The following SRGAP1 variants were observed in gnomAD, a reference collection of about 807,000 sequenced individuals.
SRGAP1 encodes SLIT-ROBO Rho GTPase-activating protein 1.
A neutral mutation model predicts 121.9 loss-of-function variants in SRGAP1; 43 were observed. The ratio of observed to expected loss-of-function variants is 0.35; its 90% CI spans 0.28 to 0.46. The LOEUF (loss-of-function observed/expected upper bound fraction) is 0.46. Ranked by LOEUF, SRGAP1 falls within the 20% of genes least tolerant of loss-of-function variation. The pLI is 1.00. For missense variants in SRGAP1, 1,102 were observed against 1,350.9 expected, an observed-to-expected ratio of 0.82 and a Z score of 2.89; for synonymous variants, 447 against 485.4, an observed-to-expected ratio of 0.92 and a Z score of 1.04.
intron 11 of SRGAP1, among the ~76,000 whole-genome samples, chr12:64,089,763 G>A (rs898322761): frequency 6.6e-6 from 1 of 152,172 alleles, no homozygotes; most frequent in Admixed American, 6.5e-5. Flanking sequence ...CGCCAGCACT[G>A]TAGAACTTCA....
In SRGAP1 at chr12:63,956,187, T is replaced by A. The variant is rs182378736; in HGVS notation, c.68-27760T>A. On this transcript the variant is annotated intron_variant, in intron 1 of 21. Transcript: ENST00000355086. ...GCCTGACTAATTTTGTACTTTTCTG[T>A]GAAAAGTACAAAATTACTGGCTGGT... Among the ~76,000 whole-genome samples, 186 of 152,250 alleles carry A rather than the reference T, an allele frequency of 1.2e-3. 1 individual carries two copies. In the South Asian group the frequency reaches 0.014, roughly 12 times the overall value.
intron 1 of SRGAP1, among the ~76,000 whole-genome samples, chr12:63,943,484 T>A (rs1368561031): frequency 1.3e-5 from 2 of 152,134 alleles, no homozygotes. Flanking sequence ...CTTTTTACAC[T>A]TAAAGAAATT....
At chr12:64,054,835 C>T (rs568466671) in intron 6 of SRGAP1, among the ~76,000 whole-genome samples, 71 of 151,240 alleles carry the variant, frequency 4.7e-4, no homozygotes, top group Non-Finnish European at 8.0e-4. Context: ...GCACTGCACC[C>T]ACTAACTTGT....
intron 21 of SRGAP1, among the ~76,000 whole-genome samples, chr12:64,135,956 T>C (rs2036850415): frequency 6.6e-6 from 1 of 151,824 alleles, no homozygotes; most frequent in Admixed American, 6.6e-5. Flanking sequence ...GAACTTGGAG[T>C]CTGATGTTTA....
chr12:64,116,255 C>CAAAAA (rs35619316), intron 18 of SRGAP1, among the ~76,000 whole-genome samples: 4 of 72,662 alleles, frequency 5.5e-5, no homozygotes, highest in Non-Finnish European at 1.1e-4. Context: ...GACCTCATCT[C>CAAAAA]AAAAAAAAAA....
chr12:63,881,176 G>A (rs1465910303), intron 1 of SRGAP1, among the ~76,000 whole-genome samples: 1 of 152,176 alleles, frequency 6.6e-6, no homozygotes, highest in East Asian at 1.9e-4. Context: ...ATTTTCTAGA[G>A]TACACACAAT....
intron 3 of SRGAP1, among the ~76,000 whole-genome samples, chr12:64,015,942 A>G (rs1177990014): frequency 6.6e-6 from 1 of 152,210 alleles, no homozygotes; most frequent in African/African-American, 2.4e-5. Context: ...ATTTCCTTAA[A>G]ATAACTTACA....
chr12:64,107,679 T>C (rs575949306), intron 15 of SRGAP1, among the ~76,000 whole-genome samples: 1 of 152,232 alleles, frequency 6.6e-6, no homozygotes, highest in Admixed American at 6.5e-5. Context: ...TGAGAATGAG[T>C]TGACTATGGT....
intron 18 of SRGAP1, among the ~76,000 whole-genome samples, chr12:64,123,668 ATTT>A (rs2036639842): frequency 6.7e-6 from 1 of 150,004 alleles, no homozygotes; most frequent in African/African-American, 2.4e-5. Flanking sequence ...TTATTTATTT[ATTT>A]ATTTATTTAT....
intron 4 of SRGAP1, among the ~76,000 whole-genome samples, chr12:64,022,998 C>T (rs1369669820): frequency 2.0e-5 from 3 of 152,020 alleles, no homozygotes; most frequent in African/African-American, 7.2e-5. Context: ...GTGCCTGTCA[C>T]ACGGTAAATG....
intron 6 of SRGAP1, among the ~76,000 whole-genome samples, chr12:64,050,346 A>G (rs1030040144): frequency 1.3e-5 from 2 of 152,206 alleles, no homozygotes; most frequent in African/African-American, 2.4e-5. Flanking sequence ...TTCTTTCCCA[A>G]TTTGTACGTT....
rs117760901 is a variant in SRGAP1, at chr12:64,026,829, G to A, written c.489+9817G>A. ...TGTGGTGAGCAAAGATTGCACCACCGCACTCCAGCCTGGGGGTCAGAGCAA... is the reference window on the plus strand; with the variant it reads ...TGTGGTGAGCAAAGATTGCACCACCACACTCCAGCCTGGGGGTCAGAGCAA... On this transcript the variant is annotated intron_variant, in intron 4 of 21. Coordinates refer to ENST00000355086, the MANE Select transcript of SRGAP1 (RefSeq NM_020762.4). Among the ~76,000 whole-genome samples the A allele has an allele frequency of 1.6e-3, 247 of 150,978 alleles. 8 individuals carry two copies. The East Asian group carries it at 0.045, about 27-fold the overall frequency.
chr12:64,099,126 A>G (rs890345787), intron 15 of SRGAP1, among the ~76,000 whole-genome samples: 1 of 152,258 alleles, frequency 6.6e-6, no homozygotes, highest in African/African-American at 2.4e-5. Context: ...CAAAGAGCCT[A>G]CTTCAGATCC....
At position 64,146,721 on chromosome 12, in the gene SRGAP1, G is replaced by C. The variant is rs1399377126; in HGVS notation, c.*4049G>C. ...AGAAGTCTCTACCCAGGCGTAAATA[G>C]AGCTCCCTACTCCAGACCACCTGCC... On this transcript the variant is annotated 3_prime_UTR_variant, in exon 22 of 22. Coordinates refer to ENST00000355086, the MANE Select transcript of SRGAP1 (RefSeq NM_020762.4). The C allele has an allele frequency of 6.6e-6, 1 of 152,056 alleles. No individual in the cohort carries two copies. Among genetic ancestry groups the C allele is most frequent in the African/African-American group, 2.4e-5 (1 of 41,380 alleles). The allele number at this position is 152,056 out of a possible 1,614,324, so 9.4% of individuals were successfully genotyped here. A position where few individuals can be genotyped will look rare whatever the true frequency, so the allele number is the denominator to read the frequency against.
At chr12:63,995,303 A>T (rs1225674592) in intron 3 of SRGAP1, among the ~76,000 whole-genome samples, 3 of 152,156 alleles carry the variant, frequency 2.0e-5, no homozygotes, top group African/African-American at 7.2e-5. Context: ...CAAGCACTGT[A>T]CTCTACATTT....
chr12:63,866,710 T>A (rs1899645170), intron 1 of SRGAP1, among the ~76,000 whole-genome samples: 2 of 151,824 alleles, frequency 1.3e-5, no homozygotes, highest in Admixed American at 1.3e-4. Flanking sequence ...GTTTGTAGAA[T>A]AGTTAATATA....
intron 1 of SRGAP1, among the ~76,000 whole-genome samples, chr12:63,863,406 C>T (rs1445741397): frequency 2.6e-5 from 4 of 151,680 alleles, no homozygotes; most frequent in Non-Finnish European, 4.4e-5. Flanking sequence ...CCAAGTAGCT[C>T]GGATGACAGG....
At chr12:63,854,982 C>T (rs1164944708) in intron 1 of SRGAP1, among the ~76,000 whole-genome samples, 1 of 152,086 alleles carries the variant, frequency 6.6e-6, no homozygotes, top group African/African-American at 2.4e-5. Context: ...AAACACTTAG[C>T]ATTGAGCAAT....
chr12:63,958,962 T>C (rs1293039939), intron 1 of SRGAP1, among the ~76,000 whole-genome samples: 2 of 152,218 alleles, frequency 1.3e-5, no homozygotes, highest in Admixed American at 6.5e-5. Flanking sequence ...AATGTCTTGC[T>C]CCAGGGAGGT....
Sources: allele counts gnomAD v4.1 joint callset (sites outside exome capture counted in the v4.1 genomes callset), GRCh38; gene constraint gnomAD v4.1.1; transcripts MANE v1.5; gene names NCBI Gene and HGNC (gene_info 2026-07-23, HGNC 2026-07-21).